The following CDKAL1 variants were observed in gnomAD, a reference collection of about 807,000 sequenced individuals.
The protein encoded by CDKAL1 is threonylcarbamoyladenosine tRNA methylthiotransferase.
A neutral mutation model predicts 68.2 loss-of-function variants in CDKAL1; 32 were observed. The ratio of observed to expected loss-of-function variants is 0.47; its 90% CI spans 0.35 to 0.63. The LOEUF is 0.63. CDKAL1 is among the 30% of genes least tolerant of loss of function. The pLI is 0.00. For synonymous variants in CDKAL1, 234 were observed against 244.3 expected, an observed-to-expected ratio of 0.96 and a Z score of 0.39; for missense variants, 606 against 696.7, an observed-to-expected ratio of 0.87 and a Z score of 1.47.
chr6:20,912,505 T>G (rs909631184), intron 9 of CDKAL1, among the ~76,000 whole-genome samples: 2 of 152,178 alleles, frequency 1.3e-5, no homozygotes, highest in Non-Finnish European at 2.9e-5. Context: ...GCCCTGATTC[T>G]GAAATAGCTG....
intron 5 of CDKAL1, among the ~76,000 whole-genome samples, chr6:20,694,539 A>G (rs1197139156): frequency 9.2e-5 from 14 of 152,076 alleles, no homozygotes; most frequent in Non-Finnish European, 1.8e-4. Flanking sequence ...TGAGGCATCA[A>G]CTCAGCATGG....
intron 7 of CDKAL1, among the ~76,000 whole-genome samples, chr6:20,774,569 G>A (rs1157828938): frequency 6.6e-6 from 1 of 152,152 alleles, no homozygotes; most frequent in African/African-American, 2.4e-5. Flanking sequence ...ATGAGATTTA[G>A]AAAACATTTT....
At chr6:20,921,698 C>T (rs1762964184) in intron 9 of CDKAL1, among the ~76,000 whole-genome samples, 1 of 152,172 alleles carries the variant, frequency 6.6e-6, no homozygotes, top group Admixed American at 6.5e-5. Flanking sequence ...TAGCAACTGG[C>T]AGTAACTACT....
chr6:21,045,969 A>G (rs1252054186), intron 11 of CDKAL1, among the ~76,000 whole-genome samples: 1 of 152,118 alleles, frequency 6.6e-6, no homozygotes, highest in Non-Finnish European at 1.5e-5. Flanking sequence ...GAGGCAGCTT[A>G]TTATTTCAGA....
intron 11 of CDKAL1, among the ~76,000 whole-genome samples, chr6:21,031,445 C>G (rs998449543): frequency 6.6e-6 from 1 of 151,862 alleles, no homozygotes; most frequent in Non-Finnish European, 1.5e-5. Flanking sequence ...TTAAGTACAT[C>G]TGTAAGATCC....
intron 9 of CDKAL1, among the ~76,000 whole-genome samples, chr6:20,913,166 C>A (rs2150628761): frequency 7.0e-6 from 1 of 142,526 alleles, no homozygotes; most frequent in Admixed American, 7.0e-5. Flanking sequence ...CACATTACCA[C>A]AAATGTAGAA....
intron 10 of CDKAL1, among the ~76,000 whole-genome samples, chr6:20,959,713 A>T (rs759429012): frequency 3.9e-5 from 6 of 152,168 alleles, no homozygotes; most frequent in Non-Finnish European, 8.8e-5. Context: ...GGCAAATAAG[A>T]TGTATTTTCC....
chr6:20,776,342 T>C (rs1284026255), intron 7 of CDKAL1, among the ~76,000 whole-genome samples: 1 of 152,234 alleles, frequency 6.6e-6, no homozygotes, highest in African/African-American at 2.4e-5. Flanking sequence ...CTTGAAAATC[T>C]GTGGAATCCA....
intron 12 of CDKAL1, among the ~76,000 whole-genome samples, chr6:21,108,120 T>C (rs1421225734): frequency 1.3e-5 from 2 of 152,234 alleles, no homozygotes; most frequent in Non-Finnish European, 2.9e-5. Flanking sequence ...TTATGTATTT[T>C]CAAATACAGT....
chr6:20,895,032 A>G (rs1374496725), intron 9 of CDKAL1, among the ~76,000 whole-genome samples: 1 of 152,170 alleles, frequency 6.6e-6, no homozygotes, highest in Non-Finnish European at 1.5e-5. Flanking sequence ...CTGCTCTACC[A>G]GAAGTAACTG....
intron 9 of CDKAL1, among the ~76,000 whole-genome samples, chr6:20,938,126 A>G (rs935088630): frequency 3.9e-5 from 6 of 151,950 alleles, no homozygotes; most frequent in African/African-American, 1.4e-4. Flanking sequence ...ATGGATATTT[A>G]TTTTGTTCTA....
chr6:20,990,820 T>A (rs974302520), intron 10 of CDKAL1, among the ~76,000 whole-genome samples: 2 of 152,204 alleles, frequency 1.3e-5, no homozygotes, highest in Admixed American at 6.5e-5. Context: ...AATCCAGAAA[T>A]AGGATTTCCT....
At chr6:20,715,657 A>C (rs1048181692) in intron 5 of CDKAL1, among the ~76,000 whole-genome samples, 1 of 152,216 alleles carries the variant, frequency 6.6e-6, no homozygotes, top group Non-Finnish European at 1.5e-5. Flanking sequence ...GGTTTGTACC[A>C]ATCTACATTC....
chr6:21,082,166 G>A (rs766522132), intron 12 of CDKAL1, among the ~76,000 whole-genome samples: 6 of 152,154 alleles, frequency 3.9e-5, no homozygotes, highest in Non-Finnish European at 8.8e-5. Flanking sequence ...TACTAGTTAT[G>A]TTCCATCTGG....
chr6:20,868,854 G>A (rs997181503), intron 9 of CDKAL1, among the ~76,000 whole-genome samples: 1 of 152,192 alleles, frequency 6.6e-6, no homozygotes, highest in Non-Finnish European at 1.5e-5. Context: ...AACTGCAGAG[G>A]TGTATGAAAA....
intron 6 of CDKAL1, chr6:20,756,888 CTTCCTTCCTTCCTTCCTTCCTTCCTT>C (rs1774218520): frequency 1.1e-5 from 1 of 93,894 alleles, no homozygotes; most frequent in Non-Finnish European, 2.3e-5. Context: ...TCCTTCCTTC[CTTCCTTCCTTCCTTCCTTCCTTCCTT>C]CCTTCCTTCC....
intron 9 of CDKAL1, among the ~76,000 whole-genome samples, chr6:20,955,163 A>G (rs1764719248): frequency 6.6e-6 from 1 of 152,184 alleles, no homozygotes; most frequent in Non-Finnish European, 1.5e-5. Flanking sequence ...GCACAGTTGA[A>G]CTGATTGGCT....
At chr6:20,886,970 A>G (rs909105118) in intron 9 of CDKAL1, among the ~76,000 whole-genome samples, 1 of 152,258 alleles carries the variant, frequency 6.6e-6, no homozygotes, top group East Asian at 1.9e-4. Context: ...AATATTTTTT[A>G]CAGCTCAATA....
rs71540608 is a variant in CDKAL1 at position 21,003,343 on chromosome 6, AATATATATATAT to A, written c.1055+2989_1055+3000del. Among the ~76,000 whole-genome samples, 19 of 40,444 alleles carry A rather than the reference AATATATATATAT, an allele frequency of 4.7e-4. 2 individuals are homozygous for A. Among genetic ancestry groups the A allele is most frequent in the Non-Finnish European group, 4.3e-4 (9 of 20,860 alleles). 26.5% of individuals were successfully genotyped at this position (40,444 alleles called of 152,430 possible). A position where few individuals can be genotyped will look rare whatever the true frequency, so the allele number is the denominator to read the frequency against. On this transcript the variant is annotated intron_variant, in intron 11 of 15. Coordinates refer to ENST00000274695, the MANE Select transcript of CDKAL1 (RefSeq NM_017774.3). ...CAACATGGTGAAACCATCTCTACTAAATATATATATATATATATATATATATATACACACACA... is the reference window on the plus strand; with the variant it reads ...CAACATGGTGAAACCATCTCTACTAAATATATATATATATATACACACACA...
Sources: gnomAD v4.1 joint callset for allele counts (sites outside exome capture counted in the v4.1 genomes callset) on GRCh38, gnomAD v4.1.1 for gene constraint, MANE v1.5 for transcripts, NCBI Gene and HGNC (gene_info 2026-07-23, HGNC 2026-07-21) for gene names.